NEDD4L: variants seen among roughly 807,000 people sequenced by gnomAD.
NEDD4L encodes the protein NEDD4 like E3 ubiquitin protein ligase.
NEDD4L carries 54 observed loss-of-function variants against 148.9 expected under a neutral mutation model. That is an observed-to-expected ratio of 0.36 (90% CI 0.29 to 0.45). NEDD4L has a LOEUF of 0.45. Among genes scored for constraint, NEDD4L ranks in the 20% least tolerant of loss-of-function variants. The pLI, the probability that NEDD4L is intolerant of heterozygous loss-of-function variation, is 1.00. For missense variants in NEDD4L, 856 were observed against 1,233.8 expected (o/e 0.69, Z 4.59); for synonymous variants, 433 against 440.7 (o/e 0.98, Z 0.22).
chr18:58,373,972 T>C (rs1208185142), intron 24 of NEDD4L, among the ~76,000 whole-genome samples: 1 of 152,218 alleles, frequency 6.6e-6, no homozygotes, highest in Non-Finnish European at 1.5e-5. Context: ...GTGTTCTCAA[T>C]GTATTCTCTG....
Position 58,391,511 on chromosome 18 carries a change from C to A in NEDD4L, c.2777C>A (p.Thr926Lys), listed in dbSNP as rs1382744717. ...GGTTCCAATGGTCCTCAGCTGTTTA[C>A]AATAGAGCAATGGGGCAGTCCTGAG... The part of the protein sequence containing the change: ...LYGSNGPQLF[T>K]IEQWGSPEKL... Residue 926 changes from threonine (T) to lysine (K), a missense_variant, in exon 30 of 31, where the codon ACA becomes AAA. Physicochemically the swap from Thr to Lys is moderately conservative, Grantham distance 78. This residue lies in a region of NEDD4L where 286 missense variants were observed against 531.8 expected (regional missense o/e 0.54). Coordinates refer to ENST00000400345, the MANE Select transcript of NEDD4L (RefSeq NM_001144967.3). The A allele has an allele frequency of 1.3e-6, 2 of 1,582,874 alleles. No individual in the cohort carries two copies.
rs560230288 is a variant in NEDD4L, at chr18:58,261,023, GTC to G, written c.297+8971_297+8972del. Among the ~76,000 whole-genome samples the G allele has an allele frequency of 2.1e-3, 314 of 152,304 alleles. 1 individual carries two copies. Among genetic ancestry groups the G allele is most frequent in the Non-Finnish European group, 3.5e-3 (241 of 68,028 alleles). On this transcript the variant is annotated intron_variant, in intron 5 of 30. Coordinates refer to ENST00000400345, the MANE Select transcript of NEDD4L (RefSeq NM_001144967.3). ...TGAACCAGGTATCTGTAATATACAAGTCTTTCCCCTAGCAGGTTAATTAGGTT... is the reference window on the plus strand; with the variant it reads ...TGAACCAGGTATCTGTAATATACAAGTTTCCCCTAGCAGGTTAATTAGGTT...
chr18:58,263,535 CTCTT>C (rs979263703), intron 5 of NEDD4L, among the ~76,000 whole-genome samples: 25 of 152,060 alleles, frequency 1.6e-4, no homozygotes, highest in African/African-American at 5.3e-4. Context: ...GATTTAGTTT[CTCTT>C]TCTTCTATTG....
intron 20 of NEDD4L, among the ~76,000 whole-genome samples, chr18:58,365,028 G>T (rs1419732280): frequency 6.6e-6 from 1 of 152,086 alleles, no homozygotes. Context: ...GGGGAGAGAA[G>T]CGGCTGCAGC....
At chr18:58,217,189 G>C (rs1333484634) in intron 2 of NEDD4L, among the ~76,000 whole-genome samples, 1 of 152,192 alleles carries the variant, frequency 6.6e-6, no homozygotes, top group South Asian at 2.1e-4. Flanking sequence ...AAGCTAACGC[G>C]AGTTAGGAGG....
At chr18:58,154,302 G>T (rs901102487) in intron 1 of NEDD4L, among the ~76,000 whole-genome samples, 3 of 152,116 alleles carry the variant, frequency 2.0e-5, no homozygotes, top group Admixed American at 6.5e-5. Flanking sequence ...GGTAAAATTC[G>T]ATTTCAAAGA....
chr18:58,210,229 A>G (rs1289187065), intron 2 of NEDD4L, among the ~76,000 whole-genome samples: 1 of 152,200 alleles, frequency 6.6e-6, no homozygotes, highest in Non-Finnish European at 1.5e-5. Flanking sequence ...GACACAGGAG[A>G]TATCAATAGA....
chr18:58,396,402 A>ACGCACT lies in NEDD4L; in HGVS notation c.*136_*141dup. The ACGCACT allele has an allele frequency of 3.3e-6, 2 of 610,052 alleles. No individual in the cohort carries two copies. The highest frequency in any genetic ancestry group is 5.4e-5 in the Admixed American group (2 of 37,130). 37.8% of individuals were successfully genotyped at this position (610,052 alleles called of 1,614,324 possible). ...TGGTCCCTGGAGCCGAGCCTTCACC[A>ACGCACT]CGCACTCGTCCAAGTTCGGATGCGG... On this transcript the variant is annotated 3_prime_UTR_variant, in exon 31 of 31. Coordinates refer to ENST00000400345, the MANE Select transcript of NEDD4L (RefSeq NM_001144967.3).
chr18:58,051,846 A>G (rs559759339), intron 1 of NEDD4L, among the ~76,000 whole-genome samples: 9 of 152,346 alleles, frequency 5.9e-5, no homozygotes, highest in African/African-American at 2.2e-4. Context: ...GGTAATAAGT[A>G]TCAGGGCAGG....
intron 1 of NEDD4L, among the ~76,000 whole-genome samples, chr18:58,053,825 T>C (rs977958388): frequency 5.3e-5 from 8 of 152,234 alleles, no homozygotes; most frequent in African/African-American, 1.9e-4. Flanking sequence ...GACCGGAGGT[T>C]GCACTGAGTT....
chr18:58,272,853 G>C (rs899667773), intron 5 of NEDD4L, among the ~76,000 whole-genome samples: 1 of 152,178 alleles, frequency 6.6e-6, no homozygotes, highest in African/African-American at 2.4e-5. Context: ...GGAGACTGCA[G>C]ACCATGGCTC....
At chr18:58,149,271 T>G (rs1339315630) in intron 1 of NEDD4L, 3 of 638,514 alleles carry the variant, frequency 4.7e-6, no homozygotes, top group Non-Finnish European at 6.8e-6. Context: ...GGCTGGACCT[T>G]GGTGTCCAGG....
intron 6 of NEDD4L, among the ~76,000 whole-genome samples, chr18:58,316,699 G>A (rs957102316): frequency 6.6e-6 from 1 of 152,250 alleles, no homozygotes; most frequent in African/African-American, 2.4e-5. Flanking sequence ...AGGAGGCAGG[G>A]CAGACAGAAT....
In NEDD4L at chr18:58,090,122, G is replaced by A. The variant is rs150991101; in HGVS notation, c.48+45414G>A. The stretch of plus-strand genomic sequence containing the variant: ...CAAAGTGCTGGGATTACCGGCATAA[G>A]CCACCATGCCCAGCCCAAACTTCCT... On this transcript the variant is annotated intron_variant, in intron 1 of 30. Transcript: ENST00000400345. Among the ~76,000 whole-genome samples the A allele has an allele frequency of 1.1e-3, 171 of 152,270 alleles. 1 individual carries two copies. Among genetic ancestry groups the A allele is most frequent in the African/African-American group, 3.9e-3 (163 of 41,544 alleles).
rs75762012 is a variant in NEDD4L, at chr18:58,136,357, G to T, written c.49-29431G>T. Among the ~76,000 whole-genome samples the T allele has an allele frequency of 8.8e-3, 1,345 of 152,274 alleles. 17 individuals are homozygous for T. The highest frequency in any genetic ancestry group is 0.025 in the South Asian group (119 of 4,820). On this transcript the variant is annotated intron_variant, in intron 1 of 30. Transcript: ENST00000400345. ...GATAAAGTGTTTTTAATTACAAATT[G>T]TCTGCTTGCTTGGGGACTGACACAA...
At chr18:58,072,441 CA>C (rs1363294157) in intron 1 of NEDD4L, among the ~76,000 whole-genome samples, 2 of 152,146 alleles carry the variant, frequency 1.3e-5, no homozygotes, top group Non-Finnish European at 2.9e-5. Flanking sequence ...CAAAACCACT[CA>C]ATGTAATCTG....
At chr18:58,296,095 A>C (rs2055531353) in intron 5 of NEDD4L, among the ~76,000 whole-genome samples, 1 of 152,230 alleles carries the variant, frequency 6.6e-6, no homozygotes, top group African/African-American at 2.4e-5. Flanking sequence ...ACTTTGCGGC[A>C]GACCTTCCGA....
chr18:58,368,814 C>G (rs1203076348), intron 22 of NEDD4L, among the ~76,000 whole-genome samples: 1 of 152,022 alleles, frequency 6.6e-6, no homozygotes, highest in African/African-American at 2.4e-5. Context: ...AACTAAACCA[C>G]ACACTCTTTC....
chr18:58,268,052 C>T lies in NEDD4L; in HGVS notation c.297+15998C>T, dbSNP rs538154821. Among the ~76,000 whole-genome samples, 4 of 152,078 alleles carry T rather than the reference C, an allele frequency of 2.6e-5. No individual in the cohort carries two copies. The South Asian group carries it at 8.3e-4, about 32-fold the overall frequency. On this transcript the variant is annotated intron_variant, in intron 5 of 30. Transcript: ENST00000400345. ...CCTGAAAAATCAACTGTCAAAAGCC[C>T]AATTAATAGGAGAAATGCCATACAA...
Sources: gnomAD v4.1 joint callset for allele counts (sites outside exome capture counted in the v4.1 genomes callset) on GRCh38, gnomAD v4.1.1 for gene constraint, gnomAD v4.1.1 regional missense constraint, MANE v1.5 for transcripts, NCBI Gene and HGNC (gene_info 2026-07-23, HGNC 2026-07-21) for gene names.